HFM1: variants seen among roughly 807,000 people sequenced by gnomAD.
The protein encoded by HFM1 is probable ATP-dependent DNA helicase HFM1.
HFM1 carries 169 observed loss-of-function variants against 192.1 expected under a neutral mutation model. That is an observed-to-expected ratio of 0.88 (90% CI 0.78 to 1.00). The LOEUF (loss-of-function observed/expected upper bound fraction) is 1.00, where lower values mean the gene tolerates loss of function less well. Ranked by LOEUF, HFM1 falls within the 50% of genes least tolerant of loss-of-function variation. The pLI, the probability that HFM1 is intolerant of heterozygous loss-of-function variation, is 0.00. For synonymous variants in HFM1, 525 were observed against 537.8 expected (o/e 0.98, Z 0.33); for missense variants, 1,661 against 1,668.0 (o/e 1.00, Z 0.07).
chr1:91,301,045 C>G (rs1389448344), intron 30 of HFM1, among the ~76,000 whole-genome samples: 1 of 152,266 alleles, frequency 6.6e-6, no homozygotes, highest in Admixed American at 6.5e-5. Flanking sequence ...CCCATCATCT[C>G]AGCCCAAAAT....
chr1:91,386,712 TTAAA>T (rs2102061531), intron 4 of HFM1, among the ~76,000 whole-genome samples: 1 of 123,508 alleles, frequency 8.1e-6, no homozygotes, highest in East Asian at 2.7e-4. Flanking sequence ...CTAATAGTAT[TTAAA>T]TTTAACTGAA....
At chr1:91,340,423 G>C (rs1218755203) in intron 20 of HFM1, among the ~76,000 whole-genome samples, 1 of 152,156 alleles carries the variant, frequency 6.6e-6, no homozygotes, top group African/African-American at 2.4e-5. Context: ...GGAATTGTTT[G>C]CATCAGACCT....
At chr1:91,288,200 A>T (rs1273897289) in intron 30 of HFM1, among the ~76,000 whole-genome samples, 1 of 151,540 alleles carries the variant, frequency 6.6e-6, no homozygotes, top group Non-Finnish European at 1.5e-5. Flanking sequence ...CAACACCAAG[A>T]CACATAATTG....
At chr1:91,318,839 G>C (rs1221769520) in intron 25 of HFM1, among the ~76,000 whole-genome samples, 1 of 152,094 alleles carries the variant, frequency 6.6e-6, no homozygotes, top group Non-Finnish European at 1.5e-5. Context: ...ATTTTCAAAT[G>C]ACAGCATTAA....
intron 30 of HFM1, among the ~76,000 whole-genome samples, chr1:91,286,370 C>G (rs530265069): frequency 6.6e-6 from 1 of 152,300 alleles, no homozygotes; most frequent in Admixed American, 6.5e-5. Flanking sequence ...CCTCTGAATT[C>G]TCTAGGAGAG....
chr1:91,274,623 G>T, intron 33 of HFM1, 107 bp downstream of exon 33: 1 of 543,964 alleles, frequency 1.8e-6, no homozygotes, highest in Admixed American at 3.2e-5. Flanking sequence ...AACGATAACT[G>T]TGACTTGATG....
In HFM1 at chr1:91,351,617, G is replaced by T. The variant is rs117177978; in HGVS notation, c.2004C>A (p.Ile668=). ...PQFDTTATAV[I]MTRLSTRDKY... The stretch of plus-strand genomic sequence containing the variant: ...TGTCCCTTGTGCTTAATCGAGTCAT[G>T]ATAACTGCAGTAGCTGTAGTGTCAA... The change falls in exon 17 of 39, where the codon ATC becomes ATA. Residue 668 remains isoleucine (I), a synonymous_variant. Transcript: ENST00000370425. 2,021 of 1,599,528 alleles carry T rather than the reference G, an allele frequency of 1.3e-3. 18 individuals carry two copies. In the East Asian group the frequency reaches 0.022, roughly 18 times the overall value.
Position 91,262,560 on chromosome 1 carries a change from GA to G in HFM1, c.4006del (p.Ser1336LeufsTer15). The G allele has an allele frequency of 6.2e-7, 1 of 1,603,462 alleles. No individual in the cohort carries two copies. Among genetic ancestry groups the G allele is most frequent in the South Asian group, 1.1e-5 (1 of 89,396 alleles). The stretch of plus-strand genomic sequence containing the variant: ...CTTGGGCATAGCAGAATTTGATAAA[GA>G]AATATCCGACATCTCATGTGATGAA... Reference protein sequence around the residue: ...FVSSHEMSDISLSNSAMPKFS... With the variant: ...FVSSHEMSDIXLSNSAMPKFS... On this transcript the variant is annotated frameshift_variant, in exon 37 of 39. Coordinates refer to ENST00000370425, the MANE Select transcript of HFM1 (RefSeq NM_001017975.6). LOFTEE classifies it high-confidence loss of function.
intron 34 of HFM1, among the ~76,000 whole-genome samples, chr1:91,270,361 G>A (rs1666167504): frequency 6.6e-6 from 1 of 151,836 alleles, no homozygotes; most frequent in South Asian, 2.1e-4. Flanking sequence ...TGTAGAGTGA[G>A]GTAAGAAGAA....
intron 31 of HFM1, 117 bp downstream of exon 31, chr1:91,276,862 AATT>A (rs141161527): frequency 0.081 from 66,201 of 813,740 alleles, 3,100 homozygotes; most frequent in East Asian, 0.15. Context: ...ACAGAGAGAA[AATT>A]ATTTGCATTA....
chr1:91,290,620 C>G (rs564056898), intron 30 of HFM1, among the ~76,000 whole-genome samples: 1 of 152,312 alleles, frequency 6.6e-6, no homozygotes, highest in Non-Finnish European at 1.5e-5. Flanking sequence ...TAACACCCCA[C>G]TGTCAACATT....
At chr1:91,401,228 G>C (rs1263694345) in intron 1 of HFM1, 119 bp from the exon 2 acceptor site, 9 of 557,230 alleles carry the variant, frequency 1.6e-5, no homozygotes, top group Non-Finnish European at 2.8e-5. Flanking sequence ...TATCCTTCCA[G>C]CTTCATCGTC....
At chr1:91,336,278 T>C (rs1000134486) in intron 20 of HFM1, among the ~76,000 whole-genome samples, 19 of 141,410 alleles carry the variant, frequency 1.3e-4, no homozygotes, top group African/African-American at 4.8e-4. Context: ...TGGGATTCAA[T>C]TATAAGTTGT....
chr1:91,385,802 C>T lies in HFM1; in HGVS notation c.527G>A (p.Ser176Asn), dbSNP rs1412196444. The stretch of plus-strand genomic sequence containing the variant: ...CAATTCATTGTCATTAGAATAAGCA[C>T]TCCCATGTATATTGTCAGATATTTT... ...LFKISDNIHG[S>N]AYSNDNELDS... Residue 176 changes from serine to asparagine, a missense_variant, in exon 5 of 39, where the codon AGT becomes AAT. Ser to Asn is a conservative substitution (Grantham distance 46). Coordinates refer to ENST00000370425, the MANE Select transcript of HFM1 (RefSeq NM_001017975.6). The T allele has an allele frequency of 1.2e-6, 2 of 1,608,224 alleles. No homozygotes were observed. The highest frequency in any genetic ancestry group is 1.7e-6 in the Non-Finnish European group (2 of 1,175,048).
chr1:91,326,245 A>G (rs1315825174), intron 20 of HFM1, among the ~76,000 whole-genome samples: 3 of 152,210 alleles, frequency 2.0e-5, no homozygotes, highest in Admixed American at 6.5e-5. Context: ...GAAAGATATC[A>G]ACATTCAAGT....
chr1:91,353,326 G>C, intron 13 of HFM1, 27 bp from the exon 14 acceptor site: 1 of 1,344,368 alleles, frequency 7.4e-7, no homozygotes, highest in Non-Finnish European at 1.0e-6. Flanking sequence ...TAAAATTATT[G>C]AGTTACTCCC....
intron 20 of HFM1, among the ~76,000 whole-genome samples, chr1:91,327,507 G>A (rs543830330): frequency 2.0e-4 from 30 of 152,284 alleles, no homozygotes; most frequent in African/African-American, 7.0e-4. Flanking sequence ...GAGATAAAGA[G>A]AGAGATAGGC....
At chr1:91,317,580 T>C (rs1387587131) in intron 25 of HFM1, among the ~76,000 whole-genome samples, 1 of 152,156 alleles carries the variant, frequency 6.6e-6, no homozygotes, top group Non-Finnish European at 1.5e-5. Context: ...AATTCCAAAA[T>C]ATTACTACTT....
At chr1:91,300,941 C>G (rs1304271001) in intron 30 of HFM1, among the ~76,000 whole-genome samples, 2 of 145,010 alleles carry the variant, frequency 1.4e-5, no homozygotes, top group South Asian at 2.2e-4. Flanking sequence ...CCAGGGCAAT[C>G]AGGCAGGAGA....
Sources: gnomAD v4.1 joint callset for allele counts (sites outside exome capture counted in the v4.1 genomes callset) on GRCh38, gnomAD v4.1.1 for gene constraint, MANE v1.5 for transcripts, NCBI Gene and HGNC (gene_info 2026-07-23, HGNC 2026-07-21) for gene names.